The following SLC9A9 variants were observed in gnomAD, a reference collection of about 807,000 sequenced individuals.
SLC9A9 encodes sodium/hydrogen exchanger 9.
In SLC9A9, 62 loss-of-function variants were observed where a neutral mutation model predicts 77.8. The ratio of observed to expected loss-of-function variants is 0.80; its 90% CI spans 0.65 to 0.98. The LOEUF (loss-of-function observed/expected upper bound fraction) is 0.98, where lower values mean the gene tolerates loss of function less well. Among genes scored for constraint, SLC9A9 ranks in the 50% least tolerant of loss-of-function variants. The pLI is 0.00. For synonymous variants in SLC9A9, 320 were observed against 283.5 expected (o/e 1.13, Z -1.29); for missense variants, 775 against 774.9 (o/e 1.00, Z 0.00).
At chr3:143,417,793 A>G (rs2034224522) in intron 12 of SLC9A9, among the ~76,000 whole-genome samples, 1 of 152,100 alleles carries the variant, frequency 6.6e-6, no homozygotes, top group Admixed American at 6.5e-5. Context: ...CTGTTCTGGA[A>G]GTCCGAGAAG....
intron 5 of SLC9A9, among the ~76,000 whole-genome samples, chr3:143,656,040 G>A (rs933473818): frequency 6.6e-6 from 1 of 152,166 alleles, no homozygotes; most frequent in African/African-American, 2.4e-5. Flanking sequence ...TCTGGAGAAG[G>A]CAGAAGAAAA....
At chr3:143,701,962 C>A (rs981163951) in intron 4 of SLC9A9, among the ~76,000 whole-genome samples, 1 of 152,174 alleles carries the variant, frequency 6.6e-6, no homozygotes, top group Non-Finnish European at 1.5e-5. Context: ...ATATGTCTGG[C>A]AGCAGACTTT....
chr3:143,743,103 C>A (rs1031887758), intron 4 of SLC9A9, among the ~76,000 whole-genome samples: 1 of 151,748 alleles, frequency 6.6e-6, no homozygotes, highest in African/African-American at 2.4e-5. Flanking sequence ...GAACCCATGA[C>A]CCAGGTAACA....
At chr3:143,335,429 T>C (rs1384159267) in intron 14 of SLC9A9, among the ~76,000 whole-genome samples, 1 of 152,100 alleles carries the variant, frequency 6.6e-6, no homozygotes, top group Non-Finnish European at 1.5e-5. Context: ...GATTCTAAAA[T>C]TCACGTGAAT....
intron 6 of SLC9A9, among the ~76,000 whole-genome samples, chr3:143,585,890 C>T (rs962765880): frequency 3.3e-5 from 5 of 152,244 alleles, no homozygotes; most frequent in African/African-American, 1.2e-4. Flanking sequence ...TAACTCCCTT[C>T]CCTTGCTCTG....
intron 2 of SLC9A9, among the ~76,000 whole-genome samples, chr3:143,809,412 T>C (rs1368525865): frequency 2.0e-5 from 3 of 152,230 alleles, no homozygotes; most frequent in Non-Finnish European, 4.4e-5. Flanking sequence ...TTTGTGTTCT[T>C]TTCAGACTTG....
At chr3:143,294,240 A>G (rs912505740) in intron 14 of SLC9A9, among the ~76,000 whole-genome samples, 19 of 152,162 alleles carry the variant, frequency 1.2e-4, no homozygotes, top group African/African-American at 4.6e-4. Context: ...CTAAACCCAA[A>G]TCGCCTACTC....
chr3:143,572,743 A>T (rs774402505), intron 8 of SLC9A9, among the ~76,000 whole-genome samples: 1 of 152,168 alleles, frequency 6.6e-6, no homozygotes, highest in Non-Finnish European at 1.5e-5. Flanking sequence ...GGCAGCAAAC[A>T]CCCTTGAAGC....
chr3:143,634,670 A>G (rs1193663798), intron 6 of SLC9A9, among the ~76,000 whole-genome samples: 1 of 152,186 alleles, frequency 6.6e-6, no homozygotes, highest in Non-Finnish European at 1.5e-5. Flanking sequence ...ACACACACAT[A>G]TAGAGACAGA....
intron 12 of SLC9A9, among the ~76,000 whole-genome samples, chr3:143,429,279 T>C (rs534508448): frequency 3.9e-5 from 6 of 152,280 alleles, no homozygotes; most frequent in Middle Eastern, 6.8e-3. Flanking sequence ...AAATGGGACA[T>C]TTAGCAGAGG....
At chr3:143,366,740 T>G (rs1029371494) in intron 13 of SLC9A9, among the ~76,000 whole-genome samples, 1 of 152,184 alleles carries the variant, frequency 6.6e-6, no homozygotes, top group Non-Finnish European at 1.5e-5. Context: ...ATTTTACAGA[T>G]GAGGAAACTG....
chr3:143,571,319 C>A (rs896093839), intron 8 of SLC9A9, among the ~76,000 whole-genome samples: 15 of 152,296 alleles, frequency 9.8e-5, no homozygotes, highest in South Asian at 6.2e-4. Flanking sequence ...ATGCAGAAAT[C>A]ATTTTTTTAA....
At position 143,500,077 on chromosome 3, in the gene SLC9A9, T is replaced by C. The variant is rs540763374; in HGVS notation, c.1090-4629A>G. Among the ~76,000 whole-genome samples the C allele has an allele frequency of 2.3e-4, 35 of 152,310 alleles. No individual in the cohort carries two copies. The South Asian group carries it at 3.9e-3, about 17-fold the overall frequency. Reference sequence around the variant, plus strand: ...GGTATCACAAAACAGATTCCTGTTCTCTTCCTTAAATGCTTAGGAAAATTC... The same window carrying C: ...GGTATCACAAAACAGATTCCTGTTCCCTTCCTTAAATGCTTAGGAAAATTC... On this transcript the variant is annotated intron_variant, in intron 9 of 15. Transcript: ENST00000316549.
chr3:143,584,656 T>A (rs1313865018), intron 6 of SLC9A9, among the ~76,000 whole-genome samples: 2 of 152,230 alleles, frequency 1.3e-5, no homozygotes, highest in Non-Finnish European at 2.9e-5. Flanking sequence ...TCTTGATTAG[T>A]TGGAACATAC....
At chr3:143,585,273 C>T (rs1464727591) in intron 6 of SLC9A9, among the ~76,000 whole-genome samples, 1 of 152,158 alleles carries the variant, frequency 6.6e-6, no homozygotes, top group Non-Finnish European at 1.5e-5. Context: ...CAAAGTCATC[C>T]CTCTGAGCCT....
chr3:143,847,773 C>T (rs536597491), intron 1 of SLC9A9: 5 of 235,782 alleles, frequency 2.1e-5, no homozygotes, highest in Non-Finnish European at 4.2e-5. Context: ...TCTAGAACTT[C>T]GTAATGTTCA....
intron 12 of SLC9A9, among the ~76,000 whole-genome samples, chr3:143,463,333 G>A (rs183044050): frequency 1.1e-3 from 167 of 152,312 alleles, no homozygotes; most frequent in African/African-American, 3.8e-3. Flanking sequence ...TTGGCTCCAT[G>A]CGGTGCTCTA....
chr3:143,712,271 AG>A (rs1434813157), intron 4 of SLC9A9, among the ~76,000 whole-genome samples: 3 of 152,202 alleles, frequency 2.0e-5, no homozygotes, highest in Non-Finnish European at 4.4e-5. Context: ...TGGGGAAAAA[AG>A]CACCTGCTAT....
intron 13 of SLC9A9, among the ~76,000 whole-genome samples, chr3:143,370,571 A>ATG (rs2033035435): frequency 5.2e-5 from 6 of 116,488 alleles, no homozygotes; most frequent in African/African-American, 2.8e-4. Flanking sequence ...GTGCGCGCAC[A>ATG]CACACACACA....
Sources: allele counts gnomAD v4.1 joint callset (sites outside exome capture counted in the v4.1 genomes callset), GRCh38; gene constraint gnomAD v4.1.1; transcripts MANE v1.5; gene names NCBI Gene and HGNC (gene_info 2026-07-23, HGNC 2026-07-21).